ARB2A: variants seen among roughly 807,000 people sequenced by gnomAD.
ARB2A encodes ARB2 cotranscriptional regulator A.
At chr5:93,658,874 T>C in the ARB2A span, among the ~76,000 whole-genome samples, 116 of 151,618 alleles carry the variant, frequency 7.7e-4, 1 homozygote, top group African/African-American at 2.7e-3. Context: ...AAAATCTTTA[T>C]TTTAACTATG....
At chr5:94,093,477 C>T in the ARB2A span, among the ~76,000 whole-genome samples, 1 of 152,182 alleles carries the variant, frequency 6.6e-6, no homozygotes, top group African/African-American at 2.4e-5. Context: ...TCTGGTGTCT[C>T]TTCTGATAAG....
At chr5:93,925,090 A>T in the ARB2A span, among the ~76,000 whole-genome samples, 1 of 152,232 alleles carries the variant, frequency 6.6e-6, no homozygotes, top group South Asian at 2.1e-4. Context: ...AAAAAAGAAC[A>T]CTTAGCATTT....
chr5:94,106,870 GAAAAAAAAAAA>G, the ARB2A span, among the ~76,000 whole-genome samples: 2 of 57,384 alleles, frequency 3.5e-5, no homozygotes, highest in African/African-American at 6.1e-5. Flanking sequence ...AATCAATGCA[GAAAAAAAAAAA>G]AAAAAAAAAA....
the ARB2A span, among the ~76,000 whole-genome samples, chr5:93,781,575 T>C: frequency 2.6e-4 from 39 of 152,134 alleles, 1 homozygote; most frequent in African/African-American, 7.0e-4. Flanking sequence ...CTGGATCAAA[T>C]AGTACTTCTA....
At chr5:93,755,979 A>C in the ARB2A span, among the ~76,000 whole-genome samples, 1 of 152,194 alleles carries the variant, frequency 6.6e-6, no homozygotes, top group Non-Finnish European at 1.5e-5. Flanking sequence ...AGCCTGGGGC[A>C]AGTTTTCAAG....
chr5:93,661,552 A>C, the ARB2A span, among the ~76,000 whole-genome samples: 1 of 152,112 alleles, frequency 6.6e-6, no homozygotes, highest in Non-Finnish European at 1.5e-5. Context: ...GTCATCACCT[A>C]TCAGGGGTGT....
the ARB2A span, among the ~76,000 whole-genome samples, chr5:93,985,148 T>C: frequency 2.0e-5 from 3 of 152,190 alleles, no homozygotes; most frequent in African/African-American, 7.2e-5. Flanking sequence ...GTAGTCTTAT[T>C]ATCCCCTCTT....
chr5:94,075,090 A>C, the ARB2A span, among the ~76,000 whole-genome samples: 1 of 152,088 alleles, frequency 6.6e-6, no homozygotes, highest in Non-Finnish European at 1.5e-5. Flanking sequence ...ATTTAGTTTT[A>C]GTTACCTATC....
At chr5:93,952,322 C>T in the ARB2A span, among the ~76,000 whole-genome samples, 1 of 152,154 alleles carries the variant, frequency 6.6e-6, no homozygotes, top group Non-Finnish European at 1.5e-5. Context: ...ACCTGACTTC[C>T]TTTAGCATTT....
the ARB2A span, among the ~76,000 whole-genome samples, chr5:93,923,974 A>C: frequency 6.6e-6 from 1 of 152,200 alleles, no homozygotes; most frequent in Non-Finnish European, 1.5e-5. Context: ...GGACAGAGAA[A>C]GAAGAGTGGA....
At chr5:93,978,735 C>A in the ARB2A span, among the ~76,000 whole-genome samples, 4 of 151,994 alleles carry the variant, frequency 2.6e-5, no homozygotes, top group African/African-American at 7.2e-5. Context: ...ATGCAATATA[C>A]CCATGTAACA....
the ARB2A span, among the ~76,000 whole-genome samples, chr5:93,747,742 T>C: frequency 6.6e-6 from 1 of 152,138 alleles, no homozygotes; most frequent in Non-Finnish European, 1.5e-5. Flanking sequence ...CATCATTCTA[T>C]GTGTGTGCAG....
the ARB2A span, among the ~76,000 whole-genome samples, chr5:93,627,445 T>G: frequency 3.4e-5 from 5 of 145,392 alleles, no homozygotes; most frequent in Non-Finnish European, 6.0e-5. Flanking sequence ...TGTGTTTTGT[T>G]TTTTTTTTTT....
the ARB2A span, among the ~76,000 whole-genome samples, chr5:93,854,882 G>A: frequency 2.0e-5 from 3 of 152,232 alleles, no homozygotes; most frequent in East Asian, 5.8e-4. Flanking sequence ...TTCCAACTAT[G>A]TGGTCAATTT....
the ARB2A span, among the ~76,000 whole-genome samples, chr5:93,884,075 T>TC: frequency 6.6e-6 from 1 of 151,434 alleles, no homozygotes; most frequent in Admixed American, 6.6e-5. Context: ...ATGAAAAATT[T>TC]CAAATTCAAA....
the ARB2A span, among the ~76,000 whole-genome samples, chr5:93,915,570 G>GT: frequency 6.6e-6 from 1 of 151,912 alleles, no homozygotes; most frequent in Non-Finnish European, 1.5e-5. Flanking sequence ...AAACTTAAAA[G>GT]AAGTTGTCAT....
the ARB2A span, among the ~76,000 whole-genome samples, chr5:93,840,627 T>C: frequency 6.6e-6 from 1 of 152,160 alleles, no homozygotes; most frequent in African/African-American, 2.4e-5. Context: ...TCTCTACTTC[T>C]ATTCTTACTA....
chr5:93,795,980 C>T, the ARB2A span, among the ~76,000 whole-genome samples: 1 of 152,018 alleles, frequency 6.6e-6, no homozygotes, highest in Admixed American at 6.5e-5. Flanking sequence ...GATTTCAAAA[C>T]TAAATGCATC....
chr5:94,024,982 A>G, the ARB2A span, among the ~76,000 whole-genome samples: 2 of 152,246 alleles, frequency 1.3e-5, no homozygotes, highest in African/African-American at 2.4e-5. Context: ...GAAAGGTCTG[A>G]TATGACAAGG....
Sources: allele counts gnomAD v4.1 joint callset (sites outside exome capture counted in the v4.1 genomes callset), GRCh38; gene constraint gnomAD v4.1.1; transcripts MANE v1.5; gene names NCBI Gene and HGNC (gene_info 2026-07-23, HGNC 2026-07-21).